The following PTPRS variants were observed in gnomAD, a reference collection of about 807,000 sequenced individuals.
PTPRS encodes protein tyrosine phosphatase receptor type S.
In PTPRS, 63 loss-of-function variants were observed where a neutral mutation model predicts 215.3. That is an observed-to-expected ratio of 0.29 (90% CI 0.24 to 0.36). The LOEUF (loss-of-function observed/expected upper bound fraction) is 0.36. Ranked by LOEUF, PTPRS falls within the 10% of genes least tolerant of loss-of-function variation. The probability of loss-of-function intolerance (pLI) is 1.00; values close to 1 mark genes in which losing one functional copy is unlikely to be tolerated. For synonymous variants in PTPRS, 1,404 were observed against 1,191.4 expected, an observed-to-expected ratio of 1.18 and a Z score of -3.68; for missense variants, 2,258 against 2,825.8, an observed-to-expected ratio of 0.80 and a Z score of 4.56.
At chr19:5,271,785 T>C (rs1247116249) in intron 4 of PTPRS, among the ~76,000 whole-genome samples, 1 of 151,686 alleles carries the variant, frequency 6.6e-6, no homozygotes, top group Non-Finnish European at 1.5e-5. Context: ...AGTGCAATGG[T>C]GTGATCTCAG....
In PTPRS at chr19:5,210,821, GTA is replaced by G. The variant is rs771152291; in HGVS notation, c.5235-18_5235-17del. The G allele has an allele frequency of 1.2e-6, 2 of 1,612,048 alleles. No homozygotes were observed. The highest frequency in any genetic ancestry group is 1.7e-6 in the Non-Finnish European group (2 of 1,179,652). ...CTTCTGCTGCCTGCAGGCGTTGGGG[GTA>G]TGAGCCCAGGGCCGGCAGGGAGACC... On this transcript the variant is annotated splice_polypyrimidine_tract_variant and intron_variant, in intron 33 of 37. Coordinates refer to ENST00000262963, the MANE Select transcript of PTPRS (RefSeq NM_002850.4). The surrounding 1 kb of genome is among the most constrained non-coding windows in gnomAD (Gnocchi z 4.5).
chr19:5,221,426 C>A (rs181847971), intron 19 of PTPRS, among the ~76,000 whole-genome samples, 173 bp from the exon 20 acceptor site: 1 of 151,880 alleles, frequency 6.6e-6, no homozygotes, highest in African/African-American at 2.4e-5. Context: ...CCAACTCTGA[C>A]TGAGCCCCAA....
intron 26 of PTPRS, among the ~76,000 whole-genome samples, chr19:5,215,933 T>C (rs2041399698): frequency 6.6e-6 from 1 of 152,034 alleles, no homozygotes; most frequent in African/African-American, 2.4e-5. Flanking sequence ...CCCCAGAGGA[T>C]GTCAAGCTCC....
chr19:5,228,345 G>GAA (rs1491502602), intron 16 of PTPRS, among the ~76,000 whole-genome samples: 6 of 33,242 alleles, frequency 1.8e-4, no homozygotes, highest in Admixed American at 5.7e-4. Context: ...ACTCCGTCTG[G>GAA]AGAAAAAAAA....
intron 11 of PTPRS, among the ~76,000 whole-genome samples, chr19:5,240,764 G>A (rs919949753): frequency 4.0e-5 from 6 of 151,440 alleles, no homozygotes; most frequent in African/African-American, 7.3e-5. Context: ...GTGCGAACCC[G>A]GGAGGCGGAG....
chr19:5,213,041 T>A (rs928931686), intron 30 of PTPRS, among the ~76,000 whole-genome samples: 4 of 152,156 alleles, frequency 2.6e-5, no homozygotes, highest in Admixed American at 2.6e-4. Flanking sequence ...CTGGGCACTC[T>A]GGCCACAGCT....
At position 5,211,577 on chromosome 19, in the gene PTPRS, G is replaced by C. The variant is rs1190878926; in HGVS notation, c.5234+13C>G. The C allele has an allele frequency of 3.8e-6, 6 of 1,598,400 alleles. 1 individual carries two copies. The Admixed American group carries it at 1.0e-4, about 27-fold the overall frequency. On this transcript the variant is annotated intron_variant, in intron 33 of 37. Coordinates refer to ENST00000262963, the MANE Select transcript of PTPRS (RefSeq NM_002850.4). ...CTTCTGGGGCCCTGAGGTGGGAAAGGCATGGCACCTACCTGTAGCCATCAA... is the reference window on the plus strand; with the variant it reads ...CTTCTGGGGCCCTGAGGTGGGAAAGCCATGGCACCTACCTGTAGCCATCAA...
At chr19:5,308,724 G>C (rs573473042) in intron 1 of PTPRS, among the ~76,000 whole-genome samples, 1 of 152,294 alleles carries the variant, frequency 6.6e-6, no homozygotes, top group East Asian at 1.9e-4. Flanking sequence ...TCCAGGCGGG[G>C]AGAGAGATTA....
chr19:5,229,850 C>T (rs1407249346), intron 14 of PTPRS, among the ~76,000 whole-genome samples, 166 bp from the exon 15 acceptor site: 5 of 151,942 alleles, frequency 3.3e-5, no homozygotes, highest in African/African-American at 9.7e-5. Flanking sequence ...GCCTCCTGCA[C>T]ACCCCCCACA....
chr19:5,334,397 AC>A (rs1266988858), intron 1 of PTPRS, among the ~76,000 whole-genome samples: 5 of 152,244 alleles, frequency 3.3e-5, no homozygotes, highest in African/African-American at 4.8e-5. Context: ...ATCTGTGCTT[AC>A]ACACGTTAAC....
At position 5,272,695 on chromosome 19, in the gene PTPRS, GA is replaced by G. The variant is rs1437957979; in HGVS notation, c.379+746del. Among the ~76,000 whole-genome samples, 7 of 149,914 alleles carry G rather than the reference GA, an allele frequency of 4.7e-5. No homozygotes were observed. The East Asian group carries it at 1.4e-3, about 30-fold the overall frequency. The stretch of plus-strand genomic sequence containing the variant: ...CTGCAGGCCCGTGTGAATGTCTGGG[GA>G]AGTGGGGCAGCAGTTTCTGCCTACC... On this transcript the variant is annotated intron_variant, in intron 4 of 37. Coordinates refer to ENST00000262963, the MANE Select transcript of PTPRS (RefSeq NM_002850.4).
intron 17 of PTPRS, among the ~76,000 whole-genome samples, chr19:5,225,488 T>C (rs562882944): frequency 6.8e-6 from 1 of 148,050 alleles, no homozygotes; most frequent in South Asian, 2.1e-4. Flanking sequence ...GTTAACTGTT[T>C]CTGTCTGGTG....
intron 4 of PTPRS, among the ~76,000 whole-genome samples, chr19:5,269,202 A>G (rs907934374): frequency 6.6e-6 from 1 of 152,062 alleles, no homozygotes; most frequent in Non-Finnish European, 1.5e-5. Flanking sequence ...CCACGTGTCC[A>G]CACGTGAGCA....
At chr19:5,211,490 C>T (rs1599360377) in intron 33 of PTPRS, 100 bp downstream of exon 33, 2 of 1,243,062 alleles carry the variant, frequency 1.6e-6, no homozygotes, top group Non-Finnish European at 2.2e-6. Flanking sequence ...TCAGGGCTAC[C>T]AGTATCTCCC....
chr19:5,335,613 G>A (rs1421802113), intron 1 of PTPRS, among the ~76,000 whole-genome samples: 1 of 152,148 alleles, frequency 6.6e-6, no homozygotes, highest in Non-Finnish European at 1.5e-5. Context: ...AGGGGCTTAT[G>A]GCAAAGATCA....
chr19:5,216,414 G>A (rs888783003), intron 26 of PTPRS, among the ~76,000 whole-genome samples: 1 of 151,838 alleles, frequency 6.6e-6, no homozygotes. Context: ...AGCTGTCCTG[G>A]GTGCCCCCCA....
intron 17 of PTPRS, 60 bp from the exon 18 acceptor site, chr19:5,223,357 A>G: frequency 7.2e-7 from 1 of 1,397,158 alleles, no homozygotes; most frequent in South Asian, 1.7e-5. Flanking sequence ...CAGAGGCACA[A>G]GGTGGGGTTG....
rs199902934 is a variant in PTPRS, at chr19:5,225,809, C to T, written c.2412G>A (p.Ala804=). Residue 804 remains alanine, a synonymous_variant, in exon 17 of 38, where the codon GCG becomes GCA. Coordinates refer to ENST00000262963, the MANE Select transcript of PTPRS (RefSeq NM_002850.4). The stretch of plus-strand genomic sequence containing the variant: ...TGTAGGCGGCTACCGTGATGGAGTA[C>T]GCGGTCTCAGGCTGCAAGTTTGTGA... The part of the protein sequence containing the change: ...MVITNLQPET[A]YSITVAAYTM... 39 of 1,613,862 alleles carry T rather than the reference C, an allele frequency of 2.4e-5. No individual in the cohort carries two copies. The highest frequency in any genetic ancestry group is 3.0e-5 in the Non-Finnish European group (35 of 1,179,986).
intron 1 of PTPRS, among the ~76,000 whole-genome samples, chr19:5,303,954 A>AAATAATAATAATAAT (rs2049393765): frequency 3.0e-5 from 4 of 132,242 alleles, no homozygotes; most frequent in African/African-American, 1.2e-4. Context: ...CTGTCTCAAA[A>AAATAATAATAATAAT]AATAATAATA....
Sources: gnomAD v4.1 joint callset for allele counts (sites outside exome capture counted in the v4.1 genomes callset) on GRCh38, gnomAD v4.1.1 for gene constraint, Gnocchi (gnomAD v3.1) non-coding constraint, MANE v1.5 for transcripts, NCBI Gene and HGNC (gene_info 2026-07-23, HGNC 2026-07-21) for gene names.